The following ANO10 variants were observed in gnomAD, a reference collection of about 807,000 sequenced individuals.
ANO10 encodes the protein anoctamin-10.
In ANO10, 77 loss-of-function variants were observed where a neutral mutation model predicts 74.7. That is an observed-to-expected ratio of 1.03 (90% CI 0.86 to 1.25). The LOEUF is 1.25. ANO10 is among the 50% of genes most tolerant of loss of function. ANO10 has a pLI of 0.00. For synonymous variants in ANO10, 279 were observed against 284.9 expected, an observed-to-expected ratio of 0.98 and a Z score of 0.21; for missense variants, 721 against 778.1, an observed-to-expected ratio of 0.93 and a Z score of 0.87.
chr3:43,473,230 C>G (rs1374412094), intron 11 of ANO10, among the ~76,000 whole-genome samples: 2 of 152,088 alleles, frequency 1.3e-5, no homozygotes, highest in Admixed American at 1.3e-4. Context: ...TTATGTCTCT[C>G]TGGTCTCTTT....
At position 43,561,237 on chromosome 3, in the gene ANO10, C is replaced by T; in HGVS notation, c.1459G>A (p.Glu487Lys). The change falls in exon 9 of 13, where the codon GAA becomes AAA. Residue 487 changes from glutamate to lysine, a missense_variant. Physicochemically the swap from Glu to Lys is moderately conservative, Grantham distance 56 (BLOSUM62 1). Coordinates refer to ENST00000292246, the MANE Select transcript of ANO10 (RefSeq NM_018075.5). The stretch of plus-strand genomic sequence containing the variant: ...CAACTTACCAAATAAGTTCCCATTT[C>T]TTTTTCCAGGATGACTTGTTCATAT... ...TLYEQVILEK[E>K]MGTYLGTFDD... is the part of the protein sequence containing the mutation. 1 of 1,614,150 alleles carries T rather than the reference C, an allele frequency of 6.2e-7. No homozygotes were observed.
intron 1 of ANO10, among the ~76,000 whole-genome samples, chr3:43,630,398 T>A (rs1247874932): frequency 1.3e-5 from 2 of 151,942 alleles, no homozygotes; most frequent in African/African-American, 4.8e-5. Context: ...AAATAAAAGA[T>A]GGGCAAAGAC....
intron 1 of ANO10, among the ~76,000 whole-genome samples, chr3:43,660,720 C>G (rs1318062792): frequency 6.6e-6 from 1 of 152,122 alleles, no homozygotes; most frequent in East Asian, 1.9e-4. Context: ...TTTGGGAGGC[C>G]AAGGCTGGCG....
At chr3:43,524,598 AT>A (rs2078109465) in intron 11 of ANO10, among the ~76,000 whole-genome samples, 1 of 152,128 alleles carries the variant, frequency 6.6e-6, no homozygotes, top group South Asian at 2.1e-4. Flanking sequence ...GGGAACATGG[AT>A]TTACTGATGC....
chr3:43,470,740 C>A (rs1318017732), intron 11 of ANO10, among the ~76,000 whole-genome samples: 1 of 151,944 alleles, frequency 6.6e-6, no homozygotes, highest in Non-Finnish European at 1.5e-5. Flanking sequence ...AATCCTCTCA[C>A]CTCAGCTTCC....
chr3:43,527,828 A>G (rs996465702), intron 11 of ANO10, among the ~76,000 whole-genome samples: 4 of 152,182 alleles, frequency 2.6e-5, no homozygotes, highest in Non-Finnish European at 5.9e-5. Context: ...GTGAACTGCT[A>G]GATCAGAGAG....
At chr3:43,666,409 T>C (rs2149575295) in intron 1 of ANO10, among the ~76,000 whole-genome samples, 1 of 152,326 alleles carries the variant, frequency 6.6e-6, no homozygotes, top group Non-Finnish European at 1.5e-5. Flanking sequence ...TTAAAATAGC[T>C]AAAAATTAAT....
intron 11 of ANO10, among the ~76,000 whole-genome samples, chr3:43,476,952 T>C (rs2076088930): frequency 6.6e-6 from 1 of 152,156 alleles, no homozygotes; most frequent in Admixed American, 6.6e-5. Context: ...AGTGGGCAGA[T>C]ACAAGAGTTT....
At position 43,380,187 on chromosome 3, in the gene ANO10, T is replaced by A. The variant is rs543774697; in HGVS notation, c.1915-13213A>T. On this transcript the variant is annotated intron_variant, in intron 12 of 12. Transcript: ENST00000292246. ...AGCCTCCGAGAAGTTTGGGATTATGTTAAACAACCAAACCTAAGAATAATT... is the reference window on the plus strand; with the variant it reads ...AGCCTCCGAGAAGTTTGGGATTATGATAAACAACCAAACCTAAGAATAATT... Among the ~76,000 whole-genome samples, 23 of 151,576 alleles carry A rather than the reference T, an allele frequency of 1.5e-4. 1 individual carries two copies. Among genetic ancestry groups the A allele is most frequent in the Non-Finnish European group, 3.1e-4 (21 of 67,710 alleles).
chr3:43,665,548 GTCA>G (rs1365765708), intron 1 of ANO10, among the ~76,000 whole-genome samples: 5 of 151,886 alleles, frequency 3.3e-5, no homozygotes, highest in Non-Finnish European at 7.4e-5. Flanking sequence ...AAAAATCTTG[GTCA>G]TCTAGCATTG....
At chr3:43,608,571 CTTTGT>C (rs1257799080) in intron 1 of ANO10, among the ~76,000 whole-genome samples, 9 of 152,052 alleles carry the variant, frequency 5.9e-5, no homozygotes, top group African/African-American at 1.2e-4. Context: ...TGCACATGGC[CTTTGT>C]TTTGTTTTGT....
chr3:43,387,467 A>G, intron 12 of ANO10, among the ~76,000 whole-genome samples: 1 of 152,048 alleles, frequency 6.6e-6, no homozygotes, highest in East Asian at 1.9e-4. Context: ...GTGATGGCTG[A>G]GATTTCTAGA....
At chr3:43,488,615 A>G (rs1386750684) in intron 11 of ANO10, among the ~76,000 whole-genome samples, 2 of 151,142 alleles carry the variant, frequency 1.3e-5, no homozygotes, top group African/African-American at 2.4e-5. Flanking sequence ...CAAAACCACA[A>G]TGAGATACCA....
intron 11 of ANO10, among the ~76,000 whole-genome samples, chr3:43,461,331 G>A (rs1265448608): frequency 6.6e-6 from 1 of 152,184 alleles, no homozygotes; most frequent in East Asian, 1.9e-4. Flanking sequence ...CAGAACATCT[G>A]AATAGCTCCC....
intron 11 of ANO10, among the ~76,000 whole-genome samples, chr3:43,517,506 A>G (rs1292324484): frequency 1.3e-5 from 2 of 152,154 alleles, no homozygotes; most frequent in Admixed American, 1.3e-4. Context: ...GGGTGGGGCC[A>G]TGATATGATA....
Position 43,367,395 on chromosome 3 carries a change from G to A in ANO10, c.1915-421C>T, listed in dbSNP as rs150482516. On this transcript the variant is annotated intron_variant, in intron 12 of 12. Coordinates refer to ENST00000292246, the MANE Select transcript of ANO10 (RefSeq NM_018075.5). ...CGGAGTTTCCAAATCTGCAGTGAGA[G>A]CAATAGTGCCTATTTTGCAGGGTGG... Among the ~76,000 whole-genome samples, 700 of 152,294 alleles carry A rather than the reference G, an allele frequency of 4.6e-3. 4 individuals are homozygous for A. The highest frequency in any genetic ancestry group is 0.016 in the African/African-American group (673 of 41,548).
rs1005677750 is a variant in ANO10 at position 43,461,860 on chromosome 3, A to G, written c.1798-29133T>C. ...AAAGATACCCAAAAATGTGGAAGCA[A>G]TTTTGGAACTGGGTAACAGGCAGAG... On this transcript the variant is annotated intron_variant, in intron 11 of 12. Transcript: ENST00000292246. 3.3e-5 allele frequency among the ~76,000 whole-genome samples: 5 copies of G among 152,218 alleles called. No homozygotes were observed. In the East Asian group the frequency reaches 9.6e-4, roughly 29 times the overall value.
At chr3:43,475,474 G>A (rs2076030805) in intron 11 of ANO10, among the ~76,000 whole-genome samples, 1 of 152,020 alleles carries the variant, frequency 6.6e-6, no homozygotes, top group Admixed American at 6.6e-5. Flanking sequence ...TTTAAAAAAG[G>A]GGAGGCTTTA....
At position 43,507,621 on chromosome 3, in the gene ANO10, G is replaced by C. The variant is rs550471006; in HGVS notation, c.1797+42099C>G. Among the ~76,000 whole-genome samples, 20 of 152,180 alleles carry C rather than the reference G, an allele frequency of 1.3e-4. 1 individual carries two copies. The East Asian group carries it at 3.9e-3, about 29-fold the overall frequency. On this transcript the variant is annotated intron_variant, in intron 11 of 12. Coordinates refer to ENST00000292246, the MANE Select transcript of ANO10 (RefSeq NM_018075.5). ...AACCTCTGATGGTGGCTGGACTGCAGGAGAGTCACTGGTAGGCCCAGTGAC... is the reference window on the plus strand; with the variant it reads ...AACCTCTGATGGTGGCTGGACTGCACGAGAGTCACTGGTAGGCCCAGTGAC...
Sources: gnomAD v4.1 joint callset for allele counts (sites outside exome capture counted in the v4.1 genomes callset) on GRCh38, gnomAD v4.1.1 for gene constraint, MANE v1.5 for transcripts, NCBI Gene and HGNC (gene_info 2026-07-23, HGNC 2026-07-21) for gene names.